The following CEP72 variants were observed in gnomAD, a reference collection of about 807,000 sequenced individuals.
CEP72 encodes centrosomal protein of 72 kDa.
CEP72 carries 78 observed loss-of-function variants against 65.7 expected under a neutral mutation model. The ratio of observed to expected loss-of-function variants is 1.19; its 90% CI spans 0.99 to 1.43. CEP72 has a LOEUF of 1.43. Among genes scored for constraint, CEP72 ranks in the 40% most tolerant of loss-of-function variants. The pLI, the probability that CEP72 is intolerant of heterozygous loss-of-function variation, is 0.00. For synonymous variants in CEP72, 358 were observed against 351.7 expected (o/e 1.02, Z -0.20); for missense variants, 914 against 832.9 (o/e 1.10, Z -1.20).
At chr5:616,356 A>G (rs1735988904) in intron 1 of CEP72, among the ~76,000 whole-genome samples, 1 of 151,126 alleles carries the variant, frequency 6.6e-6, no homozygotes, top group Admixed American at 6.6e-5. Context: ...TGCTAAGACT[A>G]GTTTTTCCTT....
exon 3 of CEP72, chr5:665,274 A>G: frequency 6.2e-7 from 1 of 1,613,326 alleles, no homozygotes; most frequent in Non-Finnish European, 8.5e-7. Flanking sequence ...GAGCCTCGAC[A>G]CTGTGGGCGA....
At chr5:635,907 T>C (rs543882136) in intron 6 of CEP72, among the ~76,000 whole-genome samples, 1 of 152,174 alleles carries the variant, frequency 6.6e-6, no homozygotes, top group South Asian at 2.1e-4. Context: ...AGCCCTGCGA[T>C]ACAGCATTCC....
intron 1 of CEP72, among the ~76,000 whole-genome samples, chr5:613,389 T>A (rs1176595616): frequency 6.6e-6 from 1 of 151,914 alleles, no homozygotes; most frequent in African/African-American, 2.4e-5. Context: ...TTTTTTTTTT[T>A]AGACGGAGTC....
chr5:614,636 C>T (rs1167284125), intron 1 of CEP72, among the ~76,000 whole-genome samples: 1 of 152,034 alleles, frequency 6.6e-6, no homozygotes, highest in Non-Finnish European at 1.5e-5. Flanking sequence ...GCTGGGATTA[C>T]AGGCATGATC....
At chr5:648,658 TGACTGTGAGGTGTG>T (rs1486030472) in intron 11 of CEP72, among the ~76,000 whole-genome samples, 3 of 121,748 alleles carry the variant, frequency 2.5e-5, no homozygotes, top group South Asian at 3.3e-4. Flanking sequence ...CTGTGAGGTG[TGACTGTGAGGTGTG>T]GACTGTGAGG....
In CEP72 at chr5:620,179, C is replaced by T. The variant is rs527403573; in HGVS notation, c.321C>T (p.Asp107=). 5.6e-6 allele frequency: 9 copies of T among 1,614,208 alleles called. No individual in the cohort carries two copies. In the South Asian group the frequency reaches 8.8e-5, roughly 16 times the overall value. ...CCTTAACCGAGCTCGTGGATGTGGA[C>T]TTCCGGCTGAACCCCGTGGTGAAGG... is the stretch of plus-strand genomic sequence containing the variant. ...LHALTELVDV[D]FRLNPVVKVE... The change falls in exon 3 of 12, where the codon GAC becomes GAT. Residue 107 remains aspartate, a synonymous_variant. Coordinates refer to ENST00000264935, the MANE Select transcript of CEP72 (RefSeq NM_018140.4).
downstream of CEP72, among the ~76,000 whole-genome samples, chr5:669,275 GT>G (rs1263434897): frequency 2.1e-4 from 16 of 74,500 alleles, no homozygotes; most frequent in African/African-American, 8.1e-4. Context: ...GGGGGCGCTG[GT>G]GAGCCCGGTG....
rs1007076351 is a variant in CEP72, at chr5:641,701, C to G, written c.1539+1097C>G. On this transcript the variant is annotated intron_variant, in intron 9 of 11. Coordinates refer to ENST00000264935, the MANE Select transcript of CEP72 (RefSeq NM_018140.4). ...ACACACGTGGGTCCCCATCCCCCGT[C>G]CAGAAGTCTCTGCATTTAAACACAC... The G allele has an allele frequency of 7.4e-5, 73 of 985,252 alleles. No homozygotes were observed. The South Asian group carries it at 2.4e-3, about 32-fold the overall frequency. The allele number at this position is 985,252 out of a possible 1,614,324, so 61.0% of individuals were successfully genotyped here.
intron 8 of CEP72, among the ~76,000 whole-genome samples, chr5:639,753 G>T (rs1159084308): frequency 6.6e-6 from 1 of 152,210 alleles, no homozygotes; most frequent in Non-Finnish European, 1.5e-5. Flanking sequence ...GAGACCAGGA[G>T]ATGCCGCGTC....
At chr5:615,790 C>T (rs1439452835) in intron 1 of CEP72, among the ~76,000 whole-genome samples, 2 of 152,072 alleles carry the variant, frequency 1.3e-5, no homozygotes, top group African/African-American at 4.8e-5. Flanking sequence ...TTTTTAGTAT[C>T]TCATTTTGAT....
chr5:644,728 T>C (rs1445091194), intron 10 of CEP72, among the ~76,000 whole-genome samples: 3 of 152,174 alleles, frequency 2.0e-5, no homozygotes, highest in Non-Finnish European at 4.4e-5. Context: ...TGGAGGGGCC[T>C]GGTCACTGTG....
chr5:650,228 TGGACTGTGAGGCGTG>T, intron 11 of CEP72, among the ~76,000 whole-genome samples: 1 of 54,884 alleles, frequency 1.8e-5, no homozygotes. Context: ...CTGTGAGGCG[TGGACTGTGAGGCGTG>T]GACTGTGAGG....
At chr5:618,864 A>T (rs758621050) in intron 1 of CEP72, 126 bp from the exon 2 acceptor site, 23 of 759,022 alleles carry the variant, frequency 3.0e-5, no homozygotes, top group Non-Finnish European at 4.8e-5. Flanking sequence ...CAGGAGCCTG[A>T]GTAAAGTTGA....
downstream of CEP72, among the ~76,000 whole-genome samples, chr5:670,770 C>T (rs1473351856): frequency 6.6e-6 from 1 of 152,190 alleles, no homozygotes; most frequent in Admixed American, 6.5e-5. Flanking sequence ...ATACAGAGGA[C>T]CTAGAGCAAC....
chr5:637,506 CTA>C lies in CEP72; in HGVS notation c.905-7_905-6del. 6.2e-7 allele frequency: 1 copy of C among 1,608,358 alleles called. No individual in the cohort carries two copies. On this transcript the variant is annotated splice_polypyrimidine_tract_variant and intron_variant, in intron 6 of 11. Coordinates refer to ENST00000264935, the MANE Select transcript of CEP72 (RefSeq NM_018140.4). Reference sequence around the variant, plus strand: ...TGGCCTGACGTGCGCCCCATCCTCTCTATATCTCAGACTCCATGGATACCGAG... The same window carrying C: ...TGGCCTGACGTGCGCCCCATCCTCTCTATCTCAGACTCCATGGATACCGAG...
chr5:663,238 C>T (rs1739747386), intron 1 of CEP72: 1 of 152,144 alleles, frequency 6.6e-6, no homozygotes, highest in African/African-American at 2.4e-5. Flanking sequence ...ACCGCACATT[C>T]AGAGTTGTTT....
chr5:649,511 G>C lies in CEP72; in HGVS notation c.1778+1595G>C, dbSNP rs1227330001. Among the ~76,000 whole-genome samples, 33 of 99,692 alleles carry C rather than the reference G, an allele frequency of 3.3e-4. 2 individuals carry two copies. Among genetic ancestry groups the C allele is most frequent in the Non-Finnish European group, 4.2e-4 (20 of 47,922 alleles). 65.4% of individuals were successfully genotyped at this position (99,692 alleles called of 152,430 possible). A position where few individuals can be genotyped will look rare whatever the true frequency, so the allele number is the denominator to read the frequency against. ...GGTGTGGACTGTGAGGTGTGACTGT[G>C]AGGTGTGACTGTGAGGTGTGGACTG... On this transcript the variant is annotated intron_variant, in intron 11 of 11. Transcript: ENST00000264935.
Position 639,129 on chromosome 5 carries a change from C to A in CEP72, c.1247C>A (p.Thr416Lys). ...GSHSALPGKK[T>K]ALQAALLETL... ...CACTCGGCTCTACCCGGGAAGAAGACGGCCCTGCAGGCGGCGCTCCTGGAG... is the reference window on the plus strand; with the variant it reads ...CACTCGGCTCTACCCGGGAAGAAGAAGGCCCTGCAGGCGGCGCTCCTGGAG... The change falls in exon 8 of 12, where the codon ACG (threonine) becomes AAG (lysine). Residue 416 changes from threonine to lysine, a missense_variant. By Grantham distance (78) the Thr-to-Lys change is moderately conservative. Coordinates refer to ENST00000264935, the MANE Select transcript of CEP72 (RefSeq NM_018140.4). 1.2e-6 allele frequency: 2 copies of A among 1,613,148 alleles called. No homozygotes were observed. The highest frequency in any genetic ancestry group is 4.5e-5 in the East Asian group (2 of 44,862).
chr5:653,641 G>A (rs1739252423), downstream of CEP72: 1 of 152,524 alleles, frequency 6.6e-6, no homozygotes, highest in Admixed American at 6.5e-5. Context: ...TGATAGGTGA[G>A]TGGGAATAAT....
Sources: gnomAD v4.1 joint callset for allele counts (sites outside exome capture counted in the v4.1 genomes callset) on GRCh38, gnomAD v4.1.1 for gene constraint, MANE v1.5 for transcripts, NCBI Gene and HGNC (gene_info 2026-07-23, HGNC 2026-07-21) for gene names.